MAGI1: variants seen among roughly 807,000 people sequenced by gnomAD.
MAGI1 encodes membrane associated guanylate kinase, WW and PDZ domain containing 1, also known as membrane-associated guanylate kinase, WW and PDZ domain-containing protein 1.
MAGI1 carries 58 observed loss-of-function variants against 139.9 expected under a neutral mutation model. The ratio of observed to expected loss-of-function variants is 0.41; its 90% CI spans 0.34 to 0.52. MAGI1 has a LOEUF of 0.52. Among genes scored for constraint, MAGI1 ranks in the 20% least tolerant of loss-of-function variants. The probability of loss-of-function intolerance (pLI) is 0.12; values close to 1 mark genes in which losing one functional copy is unlikely to be tolerated. For missense variants in MAGI1, 1,874 were observed against 1,901.6 expected, an observed-to-expected ratio of 0.99 and a Z score of 0.27; for synonymous variants, 812 against 737.9, an observed-to-expected ratio of 1.10 and a Z score of -1.63.
chr3:65,875,761 A>G (rs1338442289), intron 1 of MAGI1, among the ~76,000 whole-genome samples: 1 of 152,238 alleles, frequency 6.6e-6, no homozygotes, highest in Non-Finnish European at 1.5e-5. Flanking sequence ...AAGAAGATAA[A>G]GGAATAATAA....
intron 1 of MAGI1, among the ~76,000 whole-genome samples, chr3:65,955,043 C>T (rs1179138904): frequency 3.3e-5 from 5 of 152,146 alleles, no homozygotes; most frequent in Non-Finnish European, 4.4e-5. Flanking sequence ...GAAATCAGAG[C>T]CCAGCAGTTT....
At chr3:65,597,291 G>T (rs915194255) in intron 2 of MAGI1, among the ~76,000 whole-genome samples, 1 of 114,470 alleles carries the variant, frequency 8.7e-6, no homozygotes, top group Non-Finnish European at 1.7e-5. Context: ...ATTCAGCCGA[G>T]CCCCTCGCTC....
chr3:65,772,190 C>T (rs138775911), intron 1 of MAGI1, among the ~76,000 whole-genome samples: 19 of 152,092 alleles, frequency 1.2e-4, no homozygotes, highest in African/African-American at 4.3e-4. Context: ...AGCAAGACTC[C>T]GTCTCAAGAA....
intron 3 of MAGI1, among the ~76,000 whole-genome samples, chr3:65,491,699 C>A (rs1304781147): frequency 6.6e-6 from 1 of 151,410 alleles, no homozygotes; most frequent in Non-Finnish European, 1.5e-5. Context: ...CGCAGCCCCC[C>A]TCCCTTCCCT....
At chr3:65,804,490 T>C (rs2040717982) in intron 1 of MAGI1, among the ~76,000 whole-genome samples, 1 of 151,956 alleles carries the variant, frequency 6.6e-6, no homozygotes, top group Non-Finnish European at 1.5e-5. Context: ...TATATTGATA[T>C]TATATTAATA....
intron 12 of MAGI1, among the ~76,000 whole-genome samples, chr3:65,420,431 T>C (rs1946557744): frequency 6.6e-6 from 1 of 152,190 alleles, no homozygotes; most frequent in African/African-American, 2.4e-5. Context: ...CTGCTCTGAT[T>C]TGCTTCACAG....
chr3:65,465,454 C>T (rs182557566), intron 5 of MAGI1, among the ~76,000 whole-genome samples: 27 of 151,452 alleles, frequency 1.8e-4, no homozygotes, highest in African/African-American at 6.0e-4. Context: ...AGTTTTCTTT[C>T]GTCTAAGAAT....
chr3:65,505,347 G>A (rs2077238398), intron 2 of MAGI1, among the ~76,000 whole-genome samples: 2 of 149,858 alleles, frequency 1.3e-5, no homozygotes, highest in Admixed American at 1.3e-4. Context: ...CATGGTTAAT[G>A]CTAAATACTG....
chr3:65,885,616 T>C (rs1053994865), intron 1 of MAGI1, among the ~76,000 whole-genome samples: 1 of 152,052 alleles, frequency 6.6e-6, no homozygotes, highest in Non-Finnish European at 1.5e-5. Context: ...GCTATTCTCA[T>C]GATAGTGAAT....
At chr3:65,801,572 A>G (rs73135052) in intron 1 of MAGI1, among the ~76,000 whole-genome samples, 2,086 of 152,310 alleles carry the variant, frequency 0.014, 22 homozygotes, top group Non-Finnish European at 0.022. Flanking sequence ...CTGCAAATCC[A>G]GGTCTCCATC....
chr3:65,557,573 C>A (rs1576313163), intron 2 of MAGI1, among the ~76,000 whole-genome samples: 1 of 152,134 alleles, frequency 6.6e-6, no homozygotes, highest in African/African-American at 2.4e-5. Flanking sequence ...TAAAACTTAG[C>A]AATAGATAAT....
At chr3:65,593,235 G>C (rs1439767528) in intron 2 of MAGI1, among the ~76,000 whole-genome samples, 1 of 152,134 alleles carries the variant, frequency 6.6e-6, no homozygotes, top group African/African-American at 2.4e-5. Flanking sequence ...TCTTTGGCAT[G>C]ACTCCACAAT....
intron 1 of MAGI1, among the ~76,000 whole-genome samples, chr3:65,916,769 T>C (rs1165122542): frequency 2.6e-5 from 4 of 151,864 alleles, no homozygotes; most frequent in Admixed American, 2.6e-4. Context: ...TAAGTACATG[T>C]ATCATACACA....
At chr3:65,637,333 A>C (rs984895762) in intron 1 of MAGI1, among the ~76,000 whole-genome samples, 1 of 152,058 alleles carries the variant, frequency 6.6e-6, no homozygotes, top group African/African-American at 2.4e-5. Context: ...CAGACAGATC[A>C]CTTGACCCCA....
rs370681942 is a variant in MAGI1, at chr3:65,379,379, G to A, written c.2877C>T (p.Ser959=). 11 of 1,612,218 alleles carry A rather than the reference G, an allele frequency of 6.8e-6. No individual in the cohort carries two copies. The highest frequency in any genetic ancestry group is 6.7e-5 in the African/African-American group (5 of 74,862). ...SGIGSGGGGG[S]GVVSTVVQPY... is the part of the protein sequence containing the mutation. The stretch of plus-strand genomic sequence containing the variant: ...GCTGCACCACGGTGCTGACCACGCC[G>A]CTGCCCCCGCCGCCGCCACTGCCGA... Residue 959 remains serine, a synonymous_variant, in exon 17 of 23, where the codon AGC becomes AGT. Coordinates refer to ENST00000402939, the MANE Select transcript of MAGI1 (RefSeq NM_001033057.2).
intron 1 of MAGI1, among the ~76,000 whole-genome samples, chr3:65,653,765 G>C (rs1351827033): frequency 6.6e-6 from 1 of 152,128 alleles, no homozygotes; most frequent in African/African-American, 2.4e-5. Flanking sequence ...GTGAGTTGGG[G>C]AAGAAGAGGC....
At chr3:65,653,104 C>T (rs775434970) in intron 1 of MAGI1, among the ~76,000 whole-genome samples, 27 of 152,032 alleles carry the variant, frequency 1.8e-4, no homozygotes, top group Non-Finnish European at 3.4e-4. Flanking sequence ...TCTTCCCCAG[C>T]GGAAATATGC....
chr3:65,536,411 C>A (rs764665687), intron 2 of MAGI1, among the ~76,000 whole-genome samples: 1 of 152,148 alleles, frequency 6.6e-6, no homozygotes, highest in African/African-American at 2.4e-5. Flanking sequence ...CTAGAGCATA[C>A]CCTTCCTGGG....
intron 18 of MAGI1, among the ~76,000 whole-genome samples, chr3:65,370,358 G>A (rs1296818918): frequency 6.6e-6 from 1 of 152,152 alleles, no homozygotes; most frequent in African/African-American, 2.4e-5. Context: ...AACTAGAGAA[G>A]AGGCTTATTA....
Sources: allele counts gnomAD v4.1 joint callset (sites outside exome capture counted in the v4.1 genomes callset), GRCh38; gene constraint gnomAD v4.1.1; transcripts MANE v1.5; gene names NCBI Gene and HGNC (gene_info 2026-07-23, HGNC 2026-07-21).